The following ACP7 variants were observed in gnomAD, a reference collection of about 807,000 sequenced individuals.
The protein encoded by ACP7 is acid phosphatase 7, tartrate resistant (putative), also known as acid phosphatase type 7.
In ACP7, 58 loss-of-function variants were observed where a neutral mutation model predicts 60.6. The observed-to-expected ratio is 0.96, with a 90% CI of 0.77 to 1.19. The LOEUF (loss-of-function observed/expected upper bound fraction) is 1.19. ACP7 is among the 50% of genes most tolerant of loss of function. The pLI is 0.00. For synonymous variants in ACP7, 237 were observed against 232.6 expected (o/e 1.02, Z -0.17); for missense variants, 574 against 596.2 (o/e 0.96, Z 0.39).
chr19:39,089,402 G>T (rs978603506), intron 2 of ACP7, among the ~76,000 whole-genome samples: 3 of 152,060 alleles, frequency 2.0e-5, no homozygotes, highest in African/African-American at 7.2e-5. Flanking sequence ...ACTACTTTTG[G>T]ATTTAGCAGA....
rs142633344 is a variant in ACP7, at chr19:39,100,628, G to A, written c.678G>A (p.Glu226=). ...KARFSMPGDN[E]GLWYSWDLGP... ...GCTTCAGCATGCCGGGGGATAATGA[G>A]GGCCTGTGGTACAGGTAATGTGGGG... Residue 226 remains glutamate (E), a synonymous_variant, in exon 6 of 13, where the codon GAG becomes GAA. Transcript: ENST00000331256. 4.4e-4 allele frequency: 715 copies of A among 1,614,054 alleles called. 1 individual carries two copies. The highest frequency in any genetic ancestry group is 1.8e-3 in the Middle Eastern group (11 of 6,062).
chr19:39,102,153 CACACAA>C (rs1264407345), intron 11 of ACP7, among the ~76,000 whole-genome samples: 2 of 150,940 alleles, frequency 1.3e-5, no homozygotes, highest in Non-Finnish European at 2.9e-5. Context: ...CACACACACA[CACACAA>C]AAGATACTGG....
rs2073308505 is a variant in ACP7, at chr19:39,099,114, G to C, written c.477G>C (p.Gln159His). 1 of 1,578,294 alleles carries C rather than the reference G, an allele frequency of 6.3e-7. No individual in the cohort carries two copies. ...AVPRLRRDTQ[Q>H]GMYDAVLHVG... ...CCCGGCTGCGCAGGGACACCCAGCA[G>C]GGCATGTATGACGCCGTTCTCCATG... The change falls in exon 4 of 13, where the codon CAG (glutamine) becomes CAC (histidine). Residue 159 changes from glutamine to histidine, a missense_variant. Coordinates refer to ENST00000331256, the MANE Select transcript of ACP7 (RefSeq NM_001004318.3).
rs145176925 is a variant in ACP7, at chr19:39,101,471, T to C, written c.1047T>C (p.Phe349=). ...RLWPIYNYQV[F]NGSREMPYTN... ...AACGTTGTTCCCTTCCCCAGGTATT[T>C]AACGGCAGCCGAGAGATGCCCTACA... Residue 349 remains phenylalanine (F), a synonymous_variant, in exon 11 of 13, where the codon TTT becomes TTC. Coordinates refer to ENST00000331256, the MANE Select transcript of ACP7 (RefSeq NM_001004318.3). 154 of 1,614,138 alleles carry C rather than the reference T, an allele frequency of 9.5e-5. 1 individual carries two copies. The highest frequency in any genetic ancestry group is 3.0e-4 in the South Asian group (27 of 91,084).
chr19:39,098,488 C>T lies in ACP7; in HGVS notation c.152C>T (p.Thr51Ile). 1 of 1,592,164 alleles carries T rather than the reference C, an allele frequency of 6.3e-7. No individual in the cohort carries two copies. The highest frequency in any genetic ancestry group is 8.5e-7 in the Non-Finnish European group (1 of 1,169,700). ...GEPGSMTVTW[T>I]TWVPTRSEVQ... Reference sequence around the variant, plus strand: ...CCAGGCTCCATGACTGTAACTTGGACCACATGGGTCCCAACCCGCTCTGAA... The same window carrying T: ...CCAGGCTCCATGACTGTAACTTGGATCACATGGGTCCCAACCCGCTCTGAA... The change falls in exon 3 of 13, where the codon ACC (threonine) becomes ATC (isoleucine). Residue 51 changes from threonine to isoleucine, a missense_variant. By Grantham distance (89) the Thr-to-Ile change is moderately conservative. Coordinates refer to ENST00000331256, the MANE Select transcript of ACP7 (RefSeq NM_001004318.3).
In ACP7 at chr19:39,098,649, G is replaced by A; in HGVS notation, c.313G>A (p.Val105Ile). ...CACGCTTCGCAAGCTGCTGCCAGGG[G>A]TTCAGTATGGTGAGAGGGGCCCCAG... ...RVTLRKLLPG[V>I]QYVYRCGSAQ... The change falls in exon 3 of 13, where the codon GTT (valine) becomes ATT (isoleucine). Residue 105 changes from valine to isoleucine, a missense_variant. Val to Ile is a conservative substitution (Grantham distance 29, BLOSUM62 3). Transcript: ENST00000331256. 1.2e-6 allele frequency: 2 copies of A among 1,610,888 alleles called. No individual in the cohort carries two copies. The highest frequency in any genetic ancestry group is 1.7e-6 in the Non-Finnish European group (2 of 1,178,324).
intron 2 of ACP7, among the ~76,000 whole-genome samples, chr19:39,094,922 A>C (rs2073249292): frequency 6.6e-6 from 1 of 152,174 alleles, no homozygotes; most frequent in African/African-American, 2.4e-5. Context: ...AATGAGGAAA[A>C]GCAGAAGCAG....
Position 39,110,399 on chromosome 19 carries a change from C to A in ACP7, c.*281C>A, listed in dbSNP as rs904667516. The A allele has an allele frequency of 2.5e-6, 1 of 406,854 alleles. No homozygotes were observed. The highest frequency in any genetic ancestry group is 4.2e-5 in the East Asian group (1 of 23,574). 25.2% of individuals were successfully genotyped at this position (406,854 alleles called of 1,614,324 possible). A position where few individuals can be genotyped will look rare whatever the true frequency, so the allele number is the denominator to read the frequency against. On this transcript the variant is annotated 3_prime_UTR_variant, in exon 13 of 13. Coordinates refer to ENST00000331256, the MANE Select transcript of ACP7 (RefSeq NM_001004318.3). ...CCCCACCCTCCTGCATAGCTCTGAT[C>A]GGGCGAGGTGCCCACGGGGCTTCAG...
chr19:39,090,255 A>G (rs1408153104), intron 2 of ACP7, among the ~76,000 whole-genome samples: 2 of 151,390 alleles, frequency 1.3e-5, no homozygotes, highest in African/African-American at 4.9e-5. Context: ...TGGAACCTCC[A>G]CCTCCCAGGT....
At chr19:39,109,810 C>G (rs971378790) in intron 12 of ACP7, among the ~76,000 whole-genome samples, 6 of 151,914 alleles carry the variant, frequency 3.9e-5, no homozygotes, top group Admixed American at 2.6e-4. Context: ...ATAGCCCTTT[C>G]CATATGCTGG....
At chr19:39,097,269 G>A (rs957526227) in intron 2 of ACP7, among the ~76,000 whole-genome samples, 1 of 152,084 alleles carries the variant, frequency 6.6e-6, no homozygotes, top group South Asian at 2.1e-4. Flanking sequence ...CCCACAACAC[G>A]TGGGGATTAC....
chr19:39,092,771 CTTTTTTTTTTTTTT>C (rs67888880), intron 2 of ACP7, among the ~76,000 whole-genome samples: 1 of 114,650 alleles, frequency 8.7e-6, no homozygotes, highest in Non-Finnish European at 1.8e-5. Context: ...TCCCATTCCT[CTTTTTTTTTTTTTT>C]TTTTTTTTTT....
chr19:39,100,377 G>T (rs1313316778), intron 5 of ACP7, 27 bp downstream of exon 5: 1 of 1,612,456 alleles, frequency 6.2e-7, no homozygotes, highest in South Asian at 1.1e-5. Flanking sequence ...GTGGCGGTGG[G>T]CGAGGGCTGG....
In ACP7 at chr19:39,101,314, G is replaced by A. The variant is rs776804010; in HGVS notation, c.1000G>A (p.Glu334Lys). ...YGVDLQLWAH[E>K]HSYERLWPIY... ...AGTGGATCTGCAGCTGTGGGCTCAT[G>A]AGCACTCGTATGAACGACTGTGGCC... is the stretch of plus-strand genomic sequence containing the variant. The change falls in exon 10 of 13, where the codon GAG becomes AAG. Residue 334 changes from glutamate to lysine, a missense_variant. Coordinates refer to ENST00000331256, the MANE Select transcript of ACP7 (RefSeq NM_001004318.3). 4.3e-6 allele frequency: 7 copies of A among 1,614,076 alleles called. No individual in the cohort carries two copies. Among genetic ancestry groups the A allele is most frequent in the Non-Finnish European group, 5.9e-6 (7 of 1,180,050 alleles).
intron 11 of ACP7, among the ~76,000 whole-genome samples, chr19:39,102,963 A>G (rs1374988714): frequency 1.3e-5 from 2 of 151,518 alleles, no homozygotes; most frequent in African/African-American, 4.9e-5. Flanking sequence ...TCAGCCTCTC[A>G]AGTAGCTGGG....
At chr19:39,102,141 C>CACAT (rs2073354364) in intron 11 of ACP7, among the ~76,000 whole-genome samples, 1 of 150,878 alleles carries the variant, frequency 6.6e-6, no homozygotes, top group South Asian at 2.1e-4. Context: ...CACACACACA[C>CACAT]ACACACACAC....
At chr19:39,093,831 A>G (rs1437970540) in intron 2 of ACP7, among the ~76,000 whole-genome samples, 3 of 152,212 alleles carry the variant, frequency 2.0e-5, no homozygotes, top group Admixed American at 2.0e-4. Context: ...CATTAAGGGC[A>G]GCTAACTATA....
chr19:39,099,780 G>T (rs1481891852), intron 4 of ACP7, among the ~76,000 whole-genome samples: 1 of 151,482 alleles, frequency 6.6e-6, no homozygotes, highest in African/African-American at 2.4e-5. Flanking sequence ...ATCACTTGAG[G>T]TCAGGAGTTC....
At chr19:39,091,589 G>A (rs1360526730) in intron 2 of ACP7, among the ~76,000 whole-genome samples, 1 of 152,134 alleles carries the variant, frequency 6.6e-6, no homozygotes, top group African/African-American at 2.4e-5. Flanking sequence ...GCATGTACAC[G>A]AAGCTGCATA....
Sources: gnomAD v4.1 joint callset for allele counts (sites outside exome capture counted in the v4.1 genomes callset) on GRCh38, gnomAD v4.1.1 for gene constraint, MANE v1.5 for transcripts, NCBI Gene and HGNC (gene_info 2026-07-23, HGNC 2026-07-21) for gene names.